HELZ: variants seen among roughly 807,000 people sequenced by gnomAD.
HELZ encodes the protein helicase with zinc finger, also known as ATP-dependent RNA helicase with zinc finger domain.
A neutral mutation model predicts 218.2 loss-of-function variants in HELZ; 23 were observed. That is an observed-to-expected ratio of 0.11 (90% CI 0.08 to 0.15). HELZ has a LOEUF of 0.15. Among genes scored for constraint, HELZ ranks in the 10% least tolerant of loss-of-function variants. The pLI is 1.00. For missense variants in HELZ, 1,813 were observed against 2,353.7 expected (o/e 0.77, Z 4.75); for synonymous variants, 814 against 829.4 (o/e 0.98, Z 0.32).
chr17:67,228,483 G>A (rs1026270788), intron 3 of HELZ, among the ~76,000 whole-genome samples: 1 of 151,784 alleles, frequency 6.6e-6, no homozygotes, highest in Non-Finnish European at 1.5e-5. Flanking sequence ...GCAACATGGC[G>A]AAACCCCGCC....
chr17:67,245,036 C>T lies in HELZ; in HGVS notation c.-132+112G>A, dbSNP rs1323521302. The T allele has an allele frequency of 8.1e-6, 8 of 984,778 alleles. No individual in the cohort carries two copies. In the East Asian group the frequency reaches 9.2e-4, roughly 113 times the overall value. 61.0% of individuals were successfully genotyped at this position (984,778 alleles called of 1,614,324 possible). A position where few individuals can be genotyped will look rare whatever the true frequency, so the allele number is the denominator to read the frequency against. ...CCCAGGCCCCCAGCCTGCCCCGGGG[C>T]CGCCGCGCCCGGGGTCCGGGACACC... On this transcript the variant is annotated intron_variant, in intron 1 of 32. Transcript: ENST00000358691.
At chr17:67,195,913 G>A (rs1353928105) in intron 7 of HELZ, among the ~76,000 whole-genome samples, 3 of 142,488 alleles carry the variant, frequency 2.1e-5, no homozygotes, top group East Asian at 2.1e-4. Flanking sequence ...GTGAAGTGGC[G>A]CAAACTCAGC....
intron 3 of HELZ, among the ~76,000 whole-genome samples, chr17:67,236,049 T>C (rs554974825): frequency 3.6e-4 from 55 of 152,166 alleles, no homozygotes; most frequent in African/African-American, 6.3e-4. Context: ...CGTGAGCCAC[T>C]GCACCCAGCC....
At chr17:67,234,979 G>C (rs1428061356) in intron 3 of HELZ, among the ~76,000 whole-genome samples, 1 of 152,144 alleles carries the variant, frequency 6.6e-6, no homozygotes, top group Non-Finnish European at 1.5e-5. Flanking sequence ...GAAGTACCTT[G>C]TATGGCCCCC....
chr17:67,094,388 TGA>T (rs71139117), intron 31 of HELZ, among the ~76,000 whole-genome samples: 101,127 of 146,284 alleles, frequency 0.69, 37,064 homozygotes, highest in East Asian at 0.81. Flanking sequence ...GCAGGTTTGG[TGA>T]GAGAGAGAGA....
At chr17:67,142,635 T>C (rs1194590708) in intron 21 of HELZ, among the ~76,000 whole-genome samples, 1 of 151,994 alleles carries the variant, frequency 6.6e-6, no homozygotes, top group Non-Finnish European at 1.5e-5. Context: ...AGTAAAATAA[T>C]AAAAAAAGAT....
rs1351375457 is a variant in HELZ, at chr17:67,075,437, C to T, written c.*2815G>A. On this transcript the variant is annotated 3_prime_UTR_variant, in exon 33 of 33. Transcript: ENST00000358691. ...GTTTTCTGGAAAAAAATTTTATATA[C>T]ATATACTATACATATATATGCATAT... is the stretch of plus-strand genomic sequence containing the variant. 6.6e-6 allele frequency: 1 copy of T among 152,076 alleles called. No individual in the cohort carries two copies. Among genetic ancestry groups the T allele is most frequent in the African/African-American group, 2.4e-5 (1 of 41,412 alleles). 9.4% of individuals were successfully genotyped at this position (152,076 alleles called of 1,614,324 possible). A position where few individuals can be genotyped will look rare whatever the true frequency, so the allele number is the denominator to read the frequency against.
At chr17:67,237,849 G>A (rs941253234) in intron 3 of HELZ, among the ~76,000 whole-genome samples, 2 of 151,662 alleles carry the variant, frequency 1.3e-5, no homozygotes, top group African/African-American at 4.8e-5. Flanking sequence ...TTAGTCAGGC[G>A]TGGTAGCGCA....
chr17:67,078,315 G>C lies in HELZ; in HGVS notation c.5766C>G (p.Leu1922=), dbSNP rs1335070825. The change falls in exon 33 of 33, where the codon CTC becomes CTG. Residue 1922 remains leucine, a synonymous_variant. Transcript: ENST00000358691. ...AGCTCCCTAGGCTCAGTTCCTGGAA[G>C]AGAGACAGAGGGTCGCTACTCTTCT... is the stretch of plus-strand genomic sequence containing the variant. The part of the protein sequence containing the change: ...QAKKSSDPLS[L]FQELSLGSSS... 5 of 1,614,132 alleles carry C rather than the reference G, an allele frequency of 3.1e-6. No individual in the cohort carries two copies. Among genetic ancestry groups the C allele is most frequent in the Non-Finnish European group, 4.2e-6 (5 of 1,179,998 alleles).
intron 2 of HELZ, among the ~76,000 whole-genome samples, chr17:67,240,910 G>A (rs1459824821): frequency 6.6e-6 from 1 of 152,178 alleles, no homozygotes; most frequent in Non-Finnish European, 1.5e-5. Flanking sequence ...GTTATTACAT[G>A]TATATATAAA....
intron 5 of HELZ, 111 bp downstream of exon 5, chr17:67,215,788 A>C (rs959512293): frequency 4.0e-6 from 3 of 745,312 alleles, no homozygotes. Flanking sequence ...TAGCCACCAC[A>C]GTAAGGTGGG....
intron 3 of HELZ, among the ~76,000 whole-genome samples, chr17:67,234,231 G>A (rs2041117738): frequency 7.0e-6 from 1 of 142,500 alleles, no homozygotes; most frequent in South Asian, 2.3e-4. Context: ...GCTGAAGCAG[G>A]AAAATTGCTT....
chr17:67,125,323 T>C (rs1425207958), intron 24 of HELZ, among the ~76,000 whole-genome samples: 3 of 43,070 alleles, frequency 7.0e-5, no homozygotes, highest in Admixed American at 3.2e-4. Flanking sequence ...TATATATATA[T>C]ATATATATAT....
At chr17:67,104,438 C>CAAA (rs139016691) in intron 31 of HELZ, among the ~76,000 whole-genome samples, 1 of 120,312 alleles carries the variant, frequency 8.3e-6, no homozygotes, top group Non-Finnish European at 1.7e-5. Flanking sequence ...GACGCCATTT[C>CAAA]AAAAAAAAAA....
intron 31 of HELZ, among the ~76,000 whole-genome samples, chr17:67,103,464 A>G (rs924986884): frequency 6.6e-6 from 1 of 152,214 alleles, no homozygotes; most frequent in Admixed American, 6.5e-5. Context: ...CAATCAAAAA[A>G]TGAAATTAAG....
chr17:67,171,301 C>G (rs1194662019), intron 13 of HELZ, among the ~76,000 whole-genome samples: 1 of 152,150 alleles, frequency 6.6e-6, no homozygotes, highest in Non-Finnish European at 1.5e-5. Context: ...ATTACATGCC[C>G]TTTAAACTCA....
chr17:67,225,885 G>A (rs1387341517), intron 3 of HELZ, among the ~76,000 whole-genome samples: 1 of 152,122 alleles, frequency 6.6e-6, no homozygotes, highest in Non-Finnish European at 1.5e-5. Context: ...AAAAGACACT[G>A]TTAAAAGAAT....
chr17:67,081,496 T>C (rs2036187946), intron 32 of HELZ, among the ~76,000 whole-genome samples: 1 of 152,212 alleles, frequency 6.6e-6, no homozygotes, highest in South Asian at 2.1e-4. Context: ...TCTTTAAGGG[T>C]ACAGTGTCTA....
At chr17:67,122,103 T>C (rs904130112) in intron 26 of HELZ, among the ~76,000 whole-genome samples, 6 of 152,222 alleles carry the variant, frequency 3.9e-5, no homozygotes, top group Non-Finnish European at 2.9e-5. Context: ...ATTAAATATT[T>C]TAAAAGATTA....
Sources: gnomAD v4.1 joint callset for allele counts (sites outside exome capture counted in the v4.1 genomes callset) on GRCh38, gnomAD v4.1.1 for gene constraint, MANE v1.5 for transcripts, NCBI Gene and HGNC (gene_info 2026-07-23, HGNC 2026-07-21) for gene names.